Variants in LRP1B observed in about 807,000 individuals in gnomAD.
LRP1B encodes the protein low-density lipoprotein receptor-related protein 1B.
In LRP1B, 217 loss-of-function variants were observed where a neutral mutation model predicts 556.6. The ratio of observed to expected loss-of-function variants is 0.39; its 90% CI spans 0.35 to 0.44. LRP1B has a LOEUF of 0.44. Ranked by LOEUF, LRP1B falls within the 20% of genes least tolerant of loss-of-function variation. The pLI, the probability that LRP1B is intolerant of heterozygous loss-of-function variation, is 1.00. For missense variants in LRP1B, 5,053 were observed against 5,620.8 expected, an observed-to-expected ratio of 0.90 and a Z score of 3.23; for synonymous variants, 2,047 against 1,865.8, an observed-to-expected ratio of 1.10 and a Z score of -2.50.
intron 41 of LRP1B, among the ~76,000 whole-genome samples, chr2:140,616,392 T>C (rs1205994789): frequency 6.6e-6 from 1 of 151,850 alleles, no homozygotes; most frequent in Non-Finnish European, 1.5e-5. Flanking sequence ...ATTTAAATCG[T>C]CTCCTTATTC....
At position 140,356,407 on chromosome 2, in the gene LRP1B, T is replaced by C. The variant is rs1317272384; in HGVS notation, c.11465A>G (p.Lys3822Arg). The C allele has an allele frequency of 6.2e-7, 1 of 1,610,300 alleles. No individual in the cohort carries two copies. Among genetic ancestry groups the C allele is most frequent in the South Asian group, 1.1e-5 (1 of 90,978 alleles). Reference sequence around the variant, plus strand: ...CTTACAGCGACAGAAAACAGATGTTTTTATTTGATTACAATATGCATCATC... The same window carrying C: ...CTTACAGCGACAGAAAACAGATGTTCTTATTTGATTACAATATGCATCATC... ...CGDDAYCNQI[K>R]TSVFCRCKPG... Residue 3822 changes from lysine (K) to arginine (R), a missense_variant, in exon 75 of 91, where the codon AAA becomes AGA. Physicochemically the swap from Lys to Arg is conservative, Grantham distance 26. Transcript: ENST00000389484.
chr2:140,667,586 C>T (rs938997203), intron 41 of LRP1B, among the ~76,000 whole-genome samples: 1 of 152,232 alleles, frequency 6.6e-6, no homozygotes, highest in Admixed American at 6.5e-5. Flanking sequence ...CATTTGAACA[C>T]TCCATGACCT....
chr2:140,520,349 G>A (rs137857355), intron 49 of LRP1B, among the ~76,000 whole-genome samples: 58 of 152,088 alleles, frequency 3.8e-4, no homozygotes, highest in Middle Eastern at 6.8e-3. Context: ...GCAAACTATC[G>A]CAAGGACAGA....
chr2:141,857,279 A>G (rs370855608), intron 1 of LRP1B, among the ~76,000 whole-genome samples: 7 of 151,840 alleles, frequency 4.6e-5, no homozygotes, highest in Admixed American at 2.0e-4. Flanking sequence ...TTATCATACA[A>G]TTAGAAGGTT....
chr2:140,803,260 G>GTTTTTTTTTTTTTT (rs11352164), intron 32 of LRP1B, among the ~76,000 whole-genome samples: 2 of 102,244 alleles, frequency 2.0e-5, no homozygotes, highest in African/African-American at 5.1e-5. Flanking sequence ...CCTATTGAAA[G>GTTTTTTTTTTTTTT]TTTTTTTTTT....
intron 43 of LRP1B, among the ~76,000 whole-genome samples, chr2:140,555,070 G>T (rs969378426): frequency 6.6e-6 from 1 of 151,720 alleles, no homozygotes; most frequent in South Asian, 2.1e-4. Context: ...TCTGGATCTC[G>T]CTGTCTAAAT....
At chr2:141,991,386 T>C (rs1434762510) in intron 1 of LRP1B, among the ~76,000 whole-genome samples, 3 of 152,018 alleles carry the variant, frequency 2.0e-5, no homozygotes, top group African/African-American at 7.2e-5. Context: ...TAATTATCAA[T>C]AATTGGCAAA....
chr2:141,739,276 C>T (rs13023628), intron 2 of LRP1B, among the ~76,000 whole-genome samples: 21,688 of 151,998 alleles, frequency 0.14, 1,887 homozygotes, highest in East Asian at 0.31. Flanking sequence ...CAGTACAGTG[C>T]TTACTCTACT....
chr2:140,599,173 C>T (rs1051269042), intron 42 of LRP1B, among the ~76,000 whole-genome samples: 5 of 152,012 alleles, frequency 3.3e-5, no homozygotes, highest in African/African-American at 1.2e-4. Context: ...CCACAAACTG[C>T]AAATATACCC....
chr2:140,334,688 C>T (rs1015957875), intron 78 of LRP1B, 129 bp from the exon 79 acceptor site: 1 of 507,392 alleles, frequency 2.0e-6, no homozygotes, highest in Non-Finnish European at 3.5e-6. Context: ...AAAGAGTCAA[C>T]TCAAAACACA....
chr2:140,738,164 T>A (rs1688011392), intron 35 of LRP1B, among the ~76,000 whole-genome samples: 1 of 152,152 alleles, frequency 6.6e-6, no homozygotes. Context: ...CAAGCCACTT[T>A]GAACTTCTTG....
intron 32 of LRP1B, among the ~76,000 whole-genome samples, chr2:140,789,649 G>A (rs1447071728): frequency 1.5e-4 from 1 of 6,682 alleles, no homozygotes; most frequent in African/African-American, 4.0e-4. Flanking sequence ...TTTTTTTTTT[G>A]AGACGGAGTC....
At chr2:141,486,711 C>A (rs566695311) in intron 2 of LRP1B, among the ~76,000 whole-genome samples, 231 of 152,170 alleles carry the variant, frequency 1.5e-3, no homozygotes, top group Non-Finnish European at 2.6e-3. Context: ...AAGTCCTGTA[C>A]CTGCAACCTC....
chr2:141,234,640 G>T (rs1379741912), intron 5 of LRP1B, among the ~76,000 whole-genome samples: 1 of 152,086 alleles, frequency 6.6e-6, no homozygotes, highest in Admixed American at 6.6e-5. Context: ...GCCTCCTCAA[G>T]TGCTGGGATT....
Position 141,853,839 on chromosome 2 carries a change from T to A in LRP1B, c.83-43438A>T, listed in dbSNP as rs528630829. 2.6e-5 allele frequency among the ~76,000 whole-genome samples: 4 copies of A among 152,128 alleles called. No individual in the cohort carries two copies. The South Asian group carries it at 8.3e-4, about 31-fold the overall frequency. On this transcript the variant is annotated intron_variant, in intron 1 of 90. Transcript: ENST00000389484. ...GAAAAGAGTTTGAAAACTATACATA[T>A]ACATTTGAGTATTGGCACATTTATG...
intron 5 of LRP1B, among the ~76,000 whole-genome samples, chr2:141,245,544 T>C (rs1684034591): frequency 6.6e-6 from 1 of 152,192 alleles, no homozygotes; most frequent in African/African-American, 2.4e-5. Flanking sequence ...TGAAAATGCC[T>C]GATATGAAAC....
At chr2:141,974,612 G>A (rs750166895) in intron 1 of LRP1B, among the ~76,000 whole-genome samples, 2 of 152,060 alleles carry the variant, frequency 1.3e-5, no homozygotes, top group East Asian at 3.9e-4. Context: ...GTAAACACGC[G>A]TTATGTGGAA....
intron 2 of LRP1B, among the ~76,000 whole-genome samples, chr2:141,737,557 A>C (rs1255167015): frequency 1.3e-5 from 2 of 152,160 alleles, no homozygotes; most frequent in African/African-American, 4.8e-5. Flanking sequence ...TCAGGGAAAA[A>C]AACTGCATTG....
chr2:141,997,506 A>G (rs1702532401), intron 1 of LRP1B, among the ~76,000 whole-genome samples: 1 of 148,444 alleles, frequency 6.7e-6, no homozygotes, highest in African/African-American at 2.5e-5. Context: ...TTCTTGACAC[A>G]GGGTATTGCT....
Sources: gnomAD v4.1 joint callset for allele counts (sites outside exome capture counted in the v4.1 genomes callset) on GRCh38, gnomAD v4.1.1 for gene constraint, MANE v1.5 for transcripts, NCBI Gene and HGNC (gene_info 2026-07-23, HGNC 2026-07-21) for gene names.